The following ANKS6 variants were observed in gnomAD, a reference collection of about 807,000 sequenced individuals.
ANKS6 encodes ankyrin repeat and sterile alpha motif domain containing 6, also known as ankyrin repeat and SAM domain-containing protein 6.
In ANKS6, 47 loss-of-function variants were observed where a neutral mutation model predicts 77.9. The observed-to-expected ratio is 0.60, with a 90% CI of 0.48 to 0.77. The LOEUF (loss-of-function observed/expected upper bound fraction) is 0.77. Ranked by LOEUF, ANKS6 falls within the 30% of genes least tolerant of loss-of-function variation. ANKS6 has a pLI of 0.00. For synonymous variants in ANKS6, 488 were observed against 501.7 expected (o/e 0.97, Z 0.37); for missense variants, 1,150 against 1,159.1 (o/e 0.99, Z 0.11).
chr9:98,784,780 G>T, intron 3 of ANKS6, 52 bp downstream of exon 3: 1 of 1,501,342 alleles, frequency 6.7e-7, no homozygotes, highest in Non-Finnish European at 9.2e-7. Flanking sequence ...TAGGTTGGGA[G>T]AATGTAGCCC....
At position 98,736,013 on chromosome 9, in the gene ANKS6, G is replaced by A; in HGVS notation, c.*506C>T. 1 of 1,211,098 alleles carries A rather than the reference G, an allele frequency of 8.3e-7. No homozygotes were observed. 75.0% of individuals were successfully genotyped at this position (1,211,098 alleles called of 1,614,324 possible). A position where few individuals can be genotyped will look rare whatever the true frequency, so the allele number is the denominator to read the frequency against. ...ACCATAATACATACCCCCCATCTAA[G>A]TCAAAAGTTGTTGCTGGGAAGCCAC... On this transcript the variant is annotated 3_prime_UTR_variant, in exon 15 of 15. Transcript: ENST00000353234.
intron 11 of ANKS6, among the ~76,000 whole-genome samples, chr9:98,764,490 T>A (rs1414921682): frequency 6.6e-6 from 1 of 152,190 alleles, no homozygotes; most frequent in East Asian, 1.9e-4. Context: ...CTGTAGGGAT[T>A]CCAATTACCT....
At chr9:98,789,896 A>C in intron 2 of ANKS6, 1 of 639,734 alleles carries the variant, frequency 1.6e-6, no homozygotes, top group Non-Finnish European at 2.4e-6. Context: ...GCCCAGGGCT[A>C]CCAAATCACT....
intron 2 of ANKS6, among the ~76,000 whole-genome samples, chr9:98,787,071 G>T (rs2118150547): frequency 6.6e-6 from 1 of 152,330 alleles, no homozygotes; most frequent in Middle Eastern, 3.4e-3. Flanking sequence ...AAAGTACCCT[G>T]TCCTGCTGCT....
In ANKS6 at chr9:98,768,093, A is replaced by C. The variant is rs1485118228; in HGVS notation, c.2130T>G (p.Ala710=). 2 of 1,609,168 alleles carry C rather than the reference A, an allele frequency of 1.2e-6. No homozygotes were observed. Among genetic ancestry groups the C allele is most frequent in the Non-Finnish European group, 1.7e-6 (2 of 1,178,192 alleles). ...ACAAAACAAGCACCTTGCCAACAGGAGCGCTGCCACCTGCAGGGGAGGCTG... is the reference window on the plus strand; with the variant it reads ...ACAAAACAAGCACCTTGCCAACAGGCGCGCTGCCACCTGCAGGGGAGGCTG... ...ELPASPAGGS[A]PVGKKLETSK... Residue 710 remains alanine, a synonymous_variant, in exon 11 of 15, where the codon GCT becomes GCG. Coordinates refer to ENST00000353234, the MANE Select transcript of ANKS6 (RefSeq NM_173551.5).
At chr9:98,754,848 A>G (rs549349518) in intron 12 of ANKS6, among the ~76,000 whole-genome samples, 1 of 152,218 alleles carries the variant, frequency 6.6e-6, no homozygotes, top group Non-Finnish European at 1.5e-5. Context: ...AACCATTTTT[A>G]ATAATGAACA....
intron 6 of ANKS6, among the ~76,000 whole-genome samples, chr9:98,778,973 T>C (rs756249586): frequency 3.9e-5 from 6 of 152,156 alleles, no homozygotes; most frequent in African/African-American, 7.2e-5. Flanking sequence ...ACTCAGAGGT[T>C]AATGAACAGC....
chr9:98,794,642 T>C (rs1041870448), intron 1 of ANKS6, among the ~76,000 whole-genome samples: 5 of 152,164 alleles, frequency 3.3e-5, no homozygotes, highest in African/African-American at 1.2e-4. Flanking sequence ...TTAAAACTGA[T>C]GATCTGGGGT....
intron 4 of ANKS6, among the ~76,000 whole-genome samples, chr9:98,782,820 C>T (rs982330891): frequency 1.3e-5 from 2 of 152,154 alleles, no homozygotes; most frequent in African/African-American, 2.4e-5. Flanking sequence ...TGGTGGCTCA[C>T]ACCCGTAATC....
intron 6 of ANKS6, among the ~76,000 whole-genome samples, chr9:98,779,095 G>A (rs1834082835): frequency 1.3e-5 from 2 of 152,332 alleles, no homozygotes; most frequent in South Asian, 2.1e-4. Context: ...GCCAGCAATG[G>A]ACACAAAAGG....
intron 11 of ANKS6, among the ~76,000 whole-genome samples, chr9:98,760,165 G>C (rs1187653300): frequency 6.6e-6 from 1 of 152,156 alleles, no homozygotes; most frequent in African/African-American, 2.4e-5. Flanking sequence ...GCAAGGCACG[G>C]AGGAAGGGGC....
rs565006208 is a variant in ANKS6, at chr9:98,791,062, G to T, written c.360-456C>A. ...TGCCAAGGGTTACCCGGCTGGTAAGGGGTGGCATCAGGGTCAGGACAGGTC... is the reference window on the plus strand; with the variant it reads ...TGCCAAGGGTTACCCGGCTGGTAAGTGGTGGCATCAGGGTCAGGACAGGTC... On this transcript the variant is annotated intron_variant, in intron 1 of 14. Transcript: ENST00000353234. This position sits in a 1 kb window ranked among gnomAD's most constrained non-coding sequence, Gnocchi z 4.3. Among the ~76,000 whole-genome samples the T allele has an allele frequency of 6.6e-6, 1 of 152,356 alleles. No homozygotes were observed. The highest frequency in any genetic ancestry group is 2.1e-4 in the South Asian group (1 of 4,826).
chr9:98,757,798 G>T (rs1832793489), intron 11 of ANKS6, among the ~76,000 whole-genome samples: 2 of 151,906 alleles, frequency 1.3e-5, no homozygotes, highest in South Asian at 4.2e-4. Context: ...TGTGGTGGTG[G>T]GTGCCTGTAG....
chr9:98,784,711 C>T (rs551381805), intron 3 of ANKS6, 121 bp downstream of exon 3: 18 of 948,750 alleles, frequency 1.9e-5, no homozygotes, highest in East Asian at 1.7e-4. Flanking sequence ...ACACCAAACA[C>T]CAAAATGCCT....
intron 14 of ANKS6, among the ~76,000 whole-genome samples, chr9:98,745,180 C>T (rs1177432547): frequency 6.6e-6 from 1 of 152,178 alleles, no homozygotes; most frequent in Non-Finnish European, 1.5e-5. Context: ...CCATCATCCC[C>T]ACCCTACAGA....
Position 98,768,199 on chromosome 9 carries a change from G to A in ANKS6, c.2024C>T (p.Ala675Val). ...GGGTTTCTGCTCCAATAATCCGGCT[G>A]CTTTTTTCCTCTGGGCAGCGATTTG... is the stretch of plus-strand genomic sequence containing the variant. Reference protein sequence around the residue: ...LSQIAAQRKKAAGLLEQKPSH... With the variant: ...LSQIAAQRKKVAGLLEQKPSH... The change falls in exon 11 of 15, where the codon GCA becomes GTA. Residue 675 changes from alanine (A) to valine (V), a missense_variant. Ala to Val is a moderately conservative substitution (Grantham distance 64, BLOSUM62 0). Coordinates refer to ENST00000353234, the MANE Select transcript of ANKS6 (RefSeq NM_173551.5). 2 of 1,614,162 alleles carry A rather than the reference G, an allele frequency of 1.2e-6. No homozygotes were observed. The highest frequency in any genetic ancestry group is 8.5e-7 in the Non-Finnish European group (1 of 1,180,048).
Position 98,736,143 on chromosome 9 carries a change from C to A in ANKS6, c.*376G>T. On this transcript the variant is annotated 3_prime_UTR_variant, in exon 15 of 15. Transcript: ENST00000353234. ...AGGAGTGATGTGTGTCAGTTAAGAG[C>A]AAGGCAGGTAAGAAGCAGCCGTGCC... The A allele has an allele frequency of 1.7e-6, 2 of 1,150,490 alleles. No individual in the cohort carries two copies. Among genetic ancestry groups the A allele is most frequent in the Admixed American group, 4.2e-5 (1 of 23,786 alleles). The allele number at this position is 1,150,490 out of a possible 1,614,324, so 71.3% of individuals were successfully genotyped here. A position where few individuals can be genotyped will look rare whatever the true frequency, so the allele number is the denominator to read the frequency against.
At position 98,790,326 on chromosome 9, in the gene ANKS6, C is replaced by A; in HGVS notation, c.640G>T (p.Gly214Cys). 6.2e-7 allele frequency: 1 copy of A among 1,610,236 alleles called. No individual in the cohort carries two copies. Among genetic ancestry groups the A allele is most frequent in the South Asian group, 1.1e-5 (1 of 91,036 alleles). ...CGGGCTGCGTGGTTGGGGTCCGCGC[C>A]CCACTCCATCAGTAGACGCACCACG... is the stretch of plus-strand genomic sequence containing the variant. ...EAVVRLLMEW[G>C]ADPNHAARTV... Residue 214 changes from glycine to cysteine, a missense_variant, in exon 2 of 15, where the codon GGC (glycine) becomes TGC (cysteine). Transcript: ENST00000353234.
chr9:98,779,133 C>T (rs1294177030), intron 6 of ANKS6, among the ~76,000 whole-genome samples: 5 of 152,330 alleles, frequency 3.3e-5, no homozygotes, highest in South Asian at 2.1e-4. Flanking sequence ...CCTCAGAAGG[C>T]GCTACCACCC....
Sources: gnomAD v4.1 joint callset for allele counts (sites outside exome capture counted in the v4.1 genomes callset) on GRCh38, gnomAD v4.1.1 for gene constraint, Gnocchi (gnomAD v3.1) non-coding constraint, MANE v1.5 for transcripts, NCBI Gene and HGNC (gene_info 2026-07-23, HGNC 2026-07-21) for gene names.